RANBP17: variants seen among roughly 807,000 people sequenced by gnomAD.
RANBP17 encodes ran-binding protein 17.
In RANBP17, 158 loss-of-function variants were observed where a neutral mutation model predicts 141.2. The ratio of observed to expected loss-of-function variants is 1.12; its 90% CI spans 0.98 to 1.28. RANBP17 has a LOEUF of 1.28. Among genes scored for constraint, RANBP17 ranks in the 50% most tolerant of loss-of-function variants. The probability of loss-of-function intolerance (pLI) is 0.00; values close to 1 mark genes in which losing one functional copy is unlikely to be tolerated. For synonymous variants in RANBP17, 430 were observed against 450.0 expected (o/e 0.96, Z 0.56); for missense variants, 1,438 against 1,290.7 (o/e 1.11, Z -1.75).
At chr5:171,023,054 G>A (rs1023344331) in intron 14 of RANBP17, among the ~76,000 whole-genome samples, 1 of 152,182 alleles carries the variant, frequency 6.6e-6, no homozygotes, top group African/African-American at 2.4e-5. Context: ...GCTCAGATGG[G>A]CCACTACACC....
At chr5:170,898,292 C>CT (rs1273335059) in intron 5 of RANBP17, among the ~76,000 whole-genome samples, 9 of 152,114 alleles carry the variant, frequency 5.9e-5, no homozygotes, top group Non-Finnish European at 1.2e-4. Flanking sequence ...TGATGATGAG[C>CT]TTTTTTTCAT....
intron 14 of RANBP17, among the ~76,000 whole-genome samples, chr5:171,153,424 A>T (rs371594400): frequency 1.3e-5 from 2 of 152,178 alleles, no homozygotes; most frequent in East Asian, 1.9e-4. Context: ...TGTTTATTAT[A>T]TGCTAAACAG....
At chr5:171,082,583 A>G (rs1340018802) in intron 14 of RANBP17, among the ~76,000 whole-genome samples, 2 of 152,156 alleles carry the variant, frequency 1.3e-5, no homozygotes, top group Non-Finnish European at 2.9e-5. Context: ...GAAATCAGGA[A>G]TCCTCTGTTC....
intron 3 of RANBP17, among the ~76,000 whole-genome samples, chr5:170,882,968 A>G (rs1768839304): frequency 6.6e-6 from 1 of 152,214 alleles, no homozygotes; most frequent in South Asian, 2.1e-4. Context: ...CAAGGTTAAC[A>G]TAATTTATAT....
intron 25 of RANBP17, among the ~76,000 whole-genome samples, chr5:171,280,912 C>T (rs930222101): frequency 6.6e-6 from 1 of 152,336 alleles, no homozygotes; most frequent in African/African-American, 2.4e-5. Context: ...TCAGGGCAGA[C>T]AGGTTTTACA....
At chr5:171,007,754 G>GA (rs1257355390) in intron 14 of RANBP17, among the ~76,000 whole-genome samples, 2 of 152,130 alleles carry the variant, frequency 1.3e-5, no homozygotes, top group African/African-American at 4.8e-5. Context: ...GTTTGTACTG[G>GA]GGCCAAGCAG....
At chr5:171,068,675 C>T (rs529789041) in intron 14 of RANBP17, among the ~76,000 whole-genome samples, 1 of 152,118 alleles carries the variant, frequency 6.6e-6, no homozygotes, top group South Asian at 2.1e-4. Flanking sequence ...CAACTTCTGC[C>T]TCCCATATTC....
chr5:171,085,271 G>T (rs1453441269), intron 14 of RANBP17, among the ~76,000 whole-genome samples: 5 of 143,794 alleles, frequency 3.5e-5, no homozygotes. Flanking sequence ...TCAGATAGTT[G>T]TAGATATGCA....
chr5:171,064,942 C>A (rs1452145435), intron 14 of RANBP17, among the ~76,000 whole-genome samples: 2 of 151,612 alleles, frequency 1.3e-5, no homozygotes, highest in Non-Finnish European at 2.9e-5. Context: ...ATGTTTTTCC[C>A]AATTTTGTCA....
intron 14 of RANBP17, among the ~76,000 whole-genome samples, chr5:171,064,639 G>T (rs982257927): frequency 6.6e-6 from 1 of 152,098 alleles, no homozygotes; most frequent in East Asian, 1.9e-4. Context: ...TGGGACTACA[G>T]ACACATGCCA....
chr5:170,921,150 C>A (rs1009682649), intron 11 of RANBP17, among the ~76,000 whole-genome samples: 6 of 152,112 alleles, frequency 3.9e-5, no homozygotes, highest in African/African-American at 1.4e-4. Context: ...GTGTTTTAGT[C>A]ATGAAGTCCT....
intron 5 of RANBP17, among the ~76,000 whole-genome samples, chr5:170,901,399 G>A (rs1406942756): frequency 6.6e-6 from 1 of 152,134 alleles, no homozygotes; most frequent in Non-Finnish European, 1.5e-5. Flanking sequence ...GAGCCTATGT[G>A]TGTAGGCTAT....
intron 11 of RANBP17, among the ~76,000 whole-genome samples, chr5:170,921,002 A>T (rs1266767571): frequency 6.6e-6 from 1 of 152,104 alleles, no homozygotes; most frequent in Non-Finnish European, 1.5e-5. Flanking sequence ...CTTTTGTCAG[A>T]TGGATAGATT....
chr5:171,290,381 A>AG lies in RANBP17; in HGVS notation c.2944-3501dup, dbSNP rs200314095. 2.0e-5 allele frequency among the ~76,000 whole-genome samples: 3 copies of AG among 147,000 alleles called. 1 individual carries two copies. Among genetic ancestry groups the AG allele is most frequent in the African/African-American group, 7.4e-5 (3 of 40,276 alleles). On this transcript the variant is annotated intron_variant, in intron 25 of 27. Coordinates refer to ENST00000523189, the MANE Select transcript of RANBP17 (RefSeq NM_022897.5). ...AGACTCCGTCTCAAAAAAAAAAAAA[A>AG]GAAAGAAAGAAAAAGAAAGTATGAC...
intron 5 of RANBP17, chr5:170,897,217 T>C (rs1201894282): frequency 3.0e-6 from 2 of 676,698 alleles, no homozygotes; most frequent in Non-Finnish European, 5.6e-6. Context: ...ACAAAGTTTT[T>C]GGCAGTCTGT....
intron 14 of RANBP17, among the ~76,000 whole-genome samples, chr5:170,992,367 A>G (rs1458890061): frequency 1.3e-5 from 2 of 152,046 alleles, no homozygotes; most frequent in African/African-American, 4.8e-5. Context: ...TCAGTGTGTT[A>G]TGCCAACATC....
At chr5:171,146,530 G>C (rs759925291) in intron 14 of RANBP17, among the ~76,000 whole-genome samples, 3 of 152,118 alleles carry the variant, frequency 2.0e-5, no homozygotes, top group Non-Finnish European at 2.9e-5. Flanking sequence ...AGGTTCTGCA[G>C]GTAATATCCT....
chr5:170,949,297 C>T (rs1286001864), intron 12 of RANBP17, among the ~76,000 whole-genome samples: 1 of 151,910 alleles, frequency 6.6e-6, no homozygotes, highest in African/African-American at 2.4e-5. Flanking sequence ...AAAGTACAGC[C>T]CACAGAATGG....
chr5:171,024,443 G>T (rs1781096671), intron 14 of RANBP17, among the ~76,000 whole-genome samples: 1 of 152,130 alleles, frequency 6.6e-6, no homozygotes, highest in Non-Finnish European at 1.5e-5. Flanking sequence ...TGGGAAAGTT[G>T]AGTAGTTGGA....
Sources: allele counts gnomAD v4.1 joint callset (sites outside exome capture counted in the v4.1 genomes callset), GRCh38; gene constraint gnomAD v4.1.1; transcripts MANE v1.5; gene names NCBI Gene and HGNC (gene_info 2026-07-23, HGNC 2026-07-21).